Variants in LIMCH1 observed in about 807,000 individuals in gnomAD.
LIMCH1 encodes LIM and calponin homology domains-containing protein 1.
In LIMCH1, 113 loss-of-function variants were observed where a neutral mutation model predicts 176.5. That is an observed-to-expected ratio of 0.64 (90% CI 0.55 to 0.75). LIMCH1 has a LOEUF of 0.75. Among genes scored for constraint, LIMCH1 ranks in the 30% least tolerant of loss-of-function variants. The pLI is 0.00. For missense variants in LIMCH1, 1,674 were observed against 1,814.9 expected, an observed-to-expected ratio of 0.92 and a Z score of 1.41; for synonymous variants, 619 against 645.9, an observed-to-expected ratio of 0.96 and a Z score of 0.63.
At chr4:41,591,491 GC>G (rs1210510906) in intron 1 of LIMCH1, among the ~76,000 whole-genome samples, 3 of 152,132 alleles carry the variant, frequency 2.0e-5, no homozygotes, top group African/African-American at 7.2e-5. Context: ...GGGTCCTCCT[GC>G]CTCAGCCTCT....
At chr4:41,505,733 T>C (rs1392312014) in intron 2 of LIMCH1, among the ~76,000 whole-genome samples, 1 of 152,154 alleles carries the variant, frequency 6.6e-6, no homozygotes, top group Non-Finnish European at 1.5e-5. Flanking sequence ...GATTGAGAGC[T>C]TTCTTGAAGA....
chr4:41,530,820 T>TAA (rs2077196442), intron 3 of LIMCH1, among the ~76,000 whole-genome samples: 1 of 42,624 alleles, frequency 2.3e-5, no homozygotes, highest in Non-Finnish European at 4.0e-5. Context: ...AAAAAAAAAA[T>TAA]TTTTTTTTTT....
At chr4:41,628,164 G>A (rs1032558349) in intron 8 of LIMCH1, among the ~76,000 whole-genome samples, 27 of 152,118 alleles carry the variant, frequency 1.8e-4, no homozygotes, top group African/African-American at 6.5e-4. Context: ...CTTGTGGGAG[G>A]GATCAGTTGT....
chr4:41,545,341 G>A (rs2079218837), intron 1 of LIMCH1, among the ~76,000 whole-genome samples: 1 of 152,148 alleles, frequency 6.6e-6, no homozygotes, highest in Non-Finnish European at 1.5e-5. Context: ...TTGATAAAAA[G>A]CATCAAGGAT....
At chr4:41,514,005 TAAAAAAAAAAAAAAAAAAAAAAAAAAA>T (rs71198665) in intron 2 of LIMCH1, among the ~76,000 whole-genome samples, 6 of 48,514 alleles carry the variant, frequency 1.2e-4, no homozygotes, top group Admixed American at 1.1e-3. Flanking sequence ...GACTCCGTCT[TAAAAAAAAAAAAAAAAAAAAAAAAAAA>T]AAAAAAAAAA....
Position 41,629,741 on chromosome 4 carries a change from C to A in LIMCH1, c.1271+7C>A. The A allele has an allele frequency of 6.5e-7, 1 of 1,529,704 alleles. No individual in the cohort carries two copies. The highest frequency in any genetic ancestry group is 1.2e-5 in the South Asian group (1 of 83,684). 94.8% of individuals were successfully genotyped at this position (1,529,704 alleles called of 1,614,324 possible). On this transcript the variant is annotated splice_region_variant and intron_variant, in intron 9 of 31. Transcript: ENST00000503057. ...AAGTGTCAGAAAAGGCGAGGTGTGT[C>A]ATGTTTCCCCCCCAGTTTCCCCCTG...
In LIMCH1 at chr4:41,419,561, C is replaced by CCCTTCCTTCCTT. The variant is rs536061729; in HGVS notation, c.96+58656_96+58667dup. Among the ~76,000 whole-genome samples the CCCTTCCTTCCTT allele has an allele frequency of 4.7e-3, 542 of 116,298 alleles. 12 individuals are homozygous for CCCTTCCTTCCTT. Among genetic ancestry groups the CCCTTCCTTCCTT allele is most frequent in the Non-Finnish European group, 7.5e-3 (414 of 55,228 alleles). 76.3% of individuals were successfully genotyped at this position (116,298 alleles called of 152,430 possible). On this transcript the variant is annotated intron_variant, in intron 1 of 26. Coordinates refer to the LIMCH1 transcript ENST00000313860. ...GCCTACATTTTCTTCCTTTCCTTTC[C>CCCTTCCTTCCTT]CCTTCCTTCCTTCCTTCCTTCCTTC...
At chr4:41,451,274 C>A (rs1464739714) in intron 1 of LIMCH1, among the ~76,000 whole-genome samples, 1 of 151,632 alleles carries the variant, frequency 6.6e-6, no homozygotes, top group Non-Finnish European at 1.5e-5. Context: ...TGCCACCACG[C>A]CTGGCTAATT....
chr4:41,482,661 G>A (rs1272665131), intron 1 of LIMCH1, among the ~76,000 whole-genome samples: 1 of 152,164 alleles, frequency 6.6e-6, no homozygotes, highest in Non-Finnish European at 1.5e-5. Flanking sequence ...CTGAAAAAAG[G>A]ACTGGAAAGG....
intron 20 of LIMCH1, among the ~76,000 whole-genome samples, chr4:41,664,060 A>G (rs751662857): frequency 6.6e-6 from 1 of 151,672 alleles, no homozygotes; most frequent in Non-Finnish European, 1.5e-5. Context: ...AAACAAAACA[A>G]TCCAAGCCCA....
intron 19 of LIMCH1, 107 bp downstream of exon 19, chr4:41,661,617 A>C: frequency 1.3e-6 from 1 of 796,480 alleles, no homozygotes; most frequent in Non-Finnish European, 2.1e-6. Context: ...AGTAGTAATT[A>C]GACTCCAGGA....
chr4:41,501,727 A>G (rs371669971), intron 2 of LIMCH1, among the ~76,000 whole-genome samples: 44 of 152,328 alleles, frequency 2.9e-4, no homozygotes, highest in African/African-American at 1.0e-3. Flanking sequence ...ACTGAATTAT[A>G]GAAAACAATA....
At chr4:41,509,097 G>T (rs35834217) in intron 2 of LIMCH1, among the ~76,000 whole-genome samples, 14,881 of 152,220 alleles carry the variant, frequency 0.098, 857 homozygotes, top group South Asian at 0.23. Context: ...TGTTCAGAGC[G>T]AAAGGGGGTA....
intron 1 of LIMCH1, among the ~76,000 whole-genome samples, chr4:41,588,268 GA>G: frequency 6.6e-6 from 1 of 152,180 alleles, no homozygotes; most frequent in South Asian, 2.1e-4. Context: ...CAGAATATGG[GA>G]TGGGTGAAGT....
At chr4:41,390,275 C>T (rs868360736) in intron 1 of LIMCH1, among the ~76,000 whole-genome samples, 13 of 107,988 alleles carry the variant, frequency 1.2e-4, no homozygotes, top group Admixed American at 3.5e-4. Context: ...AGAGAGAGAG[C>T]GAGAGCGCTC....
At chr4:41,446,050 G>C (rs534870450) in intron 1 of LIMCH1, among the ~76,000 whole-genome samples, 2 of 152,312 alleles carry the variant, frequency 1.3e-5, no homozygotes, top group East Asian at 1.9e-4. Flanking sequence ...CAGTACATTG[G>C]GTAATTTTGT....
intron 1 of LIMCH1, among the ~76,000 whole-genome samples, chr4:41,487,653 CTTTTTTTTT>C (rs149754932): frequency 2.8e-5 from 3 of 108,148 alleles, no homozygotes; most frequent in South Asian, 3.1e-4. Context: ...TTTTTATATT[CTTTTTTTTT>C]TTTTTTTTTT....
At chr4:41,470,340 G>A (rs113302254) in intron 1 of LIMCH1, among the ~76,000 whole-genome samples, 4,307 of 152,164 alleles carry the variant, frequency 0.028, 169 homozygotes, top group African/African-American at 0.091. Context: ...CTCCCTGCTC[G>A]TGTGTAAGGC....
At chr4:41,618,989 TC>T (rs2092357453) in intron 5 of LIMCH1, among the ~76,000 whole-genome samples, 198 bp from the exon 6 acceptor site, 1 of 152,214 alleles carries the variant, frequency 6.6e-6, no homozygotes, top group African/African-American at 2.4e-5. Context: ...CAGGTTTTTT[TC>T]CTGATTTTTT....
Sources: gnomAD v4.1 joint callset for allele counts (sites outside exome capture counted in the v4.1 genomes callset) on GRCh38, gnomAD v4.1.1 for gene constraint, MANE v1.5 for transcripts, NCBI Gene and HGNC (gene_info 2026-07-23, HGNC 2026-07-21) for gene names.